The following CCDC60 variants were observed in gnomAD, a reference collection of about 807,000 sequenced individuals.
CCDC60 encodes coiled-coil domain-containing protein 60.
CCDC60 carries 54 observed loss-of-function variants against 63.5 expected under a neutral mutation model. The ratio of observed to expected loss-of-function variants is 0.85; its 90% CI spans 0.68 to 1.07. CCDC60 has a LOEUF of 1.07. CCDC60 is among the 50% of genes least tolerant of loss of function. The pLI, the probability that CCDC60 is intolerant of heterozygous loss-of-function variation, is 0.00. For missense variants in CCDC60, 651 were observed against 684.3 expected (o/e 0.95, Z 0.54); for synonymous variants, 206 against 238.8 (o/e 0.86, Z 1.27).
At chr12:119,407,353 G>A (rs947471949) in intron 1 of CCDC60, among the ~76,000 whole-genome samples, 6 of 147,390 alleles carry the variant, frequency 4.1e-5, no homozygotes, top group African/African-American at 1.6e-4. Context: ...CAAAAAAAAA[G>A]AAAAGAAAAG....
intron 2 of CCDC60, among the ~76,000 whole-genome samples, chr12:119,440,340 C>A (rs1300759673): frequency 6.6e-6 from 1 of 152,080 alleles, no homozygotes; most frequent in East Asian, 1.9e-4. Flanking sequence ...ACCATCCTGC[C>A]TAACACGGCG....
chr12:119,526,706 A>G (rs951854213), intron 11 of CCDC60, among the ~76,000 whole-genome samples: 1 of 152,242 alleles, frequency 6.6e-6, no homozygotes, highest in Non-Finnish European at 1.5e-5. Flanking sequence ...CAAAACCACA[A>G]TGAGATACCA....
intron 1 of CCDC60, among the ~76,000 whole-genome samples, chr12:119,362,498 T>C (rs571525090): frequency 6.6e-6 from 1 of 152,356 alleles, no homozygotes; most frequent in East Asian, 1.9e-4. Context: ...TTGATCTTCA[T>C]GTAATGAAAT....
At chr12:119,413,416 A>T (rs1956641720) in intron 1 of CCDC60, among the ~76,000 whole-genome samples, 1 of 152,226 alleles carries the variant, frequency 6.6e-6, no homozygotes, top group African/African-American at 2.4e-5. Flanking sequence ...CGGGTCACTG[A>T]CAGTCTTGCT....
At chr12:119,387,032 TCTCACACA>T (rs1376237069) in intron 1 of CCDC60, among the ~76,000 whole-genome samples, 25 of 120,268 alleles carry the variant, frequency 2.1e-4, no homozygotes, top group African/African-American at 7.7e-4. Context: ...CCTCTGTCTC[TCTCACACA>T]CACACACACA....
intron 2 of CCDC60, among the ~76,000 whole-genome samples, chr12:119,450,576 AGGCCGGGCGCAGT>A (rs1950611482): frequency 6.6e-6 from 1 of 152,094 alleles, no homozygotes; most frequent in East Asian, 1.9e-4. Context: ...AAGACATGAG[AGGCCGGGCGCAGT>A]GGCTCACGCC....
At chr12:119,361,228 T>G (rs1392598471) in intron 1 of CCDC60, among the ~76,000 whole-genome samples, 1 of 148,006 alleles carries the variant, frequency 6.8e-6, no homozygotes, top group Non-Finnish European at 1.5e-5. Flanking sequence ...AGAGCTCAAG[T>G]CTATCACAGG....
At chr12:119,388,907 T>C (rs1053349602) in intron 1 of CCDC60, among the ~76,000 whole-genome samples, 5 of 152,250 alleles carry the variant, frequency 3.3e-5, no homozygotes, top group Admixed American at 6.5e-5. Context: ...AATTTCCTAC[T>C]TTTAGAGTAT....
intron 1 of CCDC60, among the ~76,000 whole-genome samples, chr12:119,358,982 G>T (rs1381336366): frequency 6.6e-6 from 1 of 152,144 alleles, no homozygotes; most frequent in Non-Finnish European, 1.5e-5. Flanking sequence ...CAGAGGAAAT[G>T]CATATGTTCA....
At chr12:119,370,410 G>A (rs144893322) in intron 1 of CCDC60, among the ~76,000 whole-genome samples, 234 of 152,270 alleles carry the variant, frequency 1.5e-3, no homozygotes, top group African/African-American at 5.2e-3. Context: ...ATATCATGTC[G>A]AGTTGAGAAA....
In CCDC60 at chr12:119,420,659, C is replaced by A. The variant is rs763192916; in HGVS notation, c.91-8024C>A. ...GAATAAGACCTGCTATTTGATAGCA[C>A]AACAGGTTGACTATAGTCAATAATA... On this transcript the variant is annotated intron_variant, in intron 1 of 13. Transcript: ENST00000327554. The surrounding 1 kb of genome is among the most constrained non-coding windows in gnomAD (Gnocchi z 4.1). Among the ~76,000 whole-genome samples the A allele has an allele frequency of 7.2e-5, 11 of 152,082 alleles. No homozygotes were observed. Among genetic ancestry groups the A allele is most frequent in the Non-Finnish European group, 1.3e-4 (9 of 68,026 alleles).
At chr12:119,507,553 T>TATATATAC (rs1952052031) in intron 7 of CCDC60, among the ~76,000 whole-genome samples, 5 of 48,902 alleles carry the variant, frequency 1.0e-4, no homozygotes, top group African/African-American at 2.0e-4. Context: ...TATATATACA[T>TATATATAC]ATATATATAT....
intron 3 of CCDC60, among the ~76,000 whole-genome samples, chr12:119,477,908 A>G (rs1049972511): frequency 8.5e-5 from 13 of 152,162 alleles, no homozygotes; most frequent in Non-Finnish European, 1.3e-4. Context: ...ACACACGCAC[A>G]CACACACACA....
At chr12:119,434,948 T>C (rs1950298991) in intron 2 of CCDC60, among the ~76,000 whole-genome samples, 1 of 152,186 alleles carries the variant, frequency 6.6e-6, no homozygotes, top group Non-Finnish European at 1.5e-5. Flanking sequence ...TAATCTGATT[T>C]TTTAAAAGAG....
rs1190763875 is a variant in CCDC60 at position 119,505,669 on chromosome 12, A to T, written c.883+366A>T. On this transcript the variant is annotated intron_variant, in intron 7 of 13. Transcript: ENST00000327554. ...TCAGGAGTTTGAGACCAGCCTGGCCAACATGGTGAAACCCTGTCTCTACTG... is the reference window on the plus strand; with the variant it reads ...TCAGGAGTTTGAGACCAGCCTGGCCTACATGGTGAAACCCTGTCTCTACTG... Among the ~76,000 whole-genome samples the T allele has an allele frequency of 5.3e-5, 8 of 152,240 alleles. No homozygotes were observed. In the East Asian group the frequency reaches 1.5e-3, roughly 29 times the overall value.
chr12:119,416,983 T>C (rs936391237), intron 1 of CCDC60, among the ~76,000 whole-genome samples: 1 of 152,122 alleles, frequency 6.6e-6, no homozygotes, highest in African/African-American at 2.4e-5. Context: ...TATTCGGGCA[T>C]GGTGGCACAT....
Position 119,523,624 on chromosome 12 carries a change from G to A in CCDC60, c.1104-69G>A. Reference sequence around the variant, plus strand: ...CACCTTGGGGCTAAGGGGGGCCAGAGTGGGACCCAGGTTACTAGGGGACAT... The same window carrying A: ...CACCTTGGGGCTAAGGGGGGCCAGAATGGGACCCAGGTTACTAGGGGACAT... On this transcript the variant is annotated intron_variant, in intron 10 of 13. Coordinates refer to ENST00000327554, the MANE Select transcript of CCDC60 (RefSeq NM_178499.5). 3 of 1,599,200 alleles carry A rather than the reference G, an allele frequency of 1.9e-6. No individual in the cohort carries two copies. In the South Asian group the frequency reaches 3.4e-5, roughly 18 times the overall value.
At chr12:119,492,535 A>G (rs1032545836) in intron 5 of CCDC60, among the ~76,000 whole-genome samples, 3 of 152,222 alleles carry the variant, frequency 2.0e-5, no homozygotes, top group Admixed American at 6.5e-5. Context: ...TTCAACACTT[A>G]ATCCCTATTT....
At chr12:119,372,457 A>T (rs183054393) in intron 1 of CCDC60, among the ~76,000 whole-genome samples, 1 of 152,316 alleles carries the variant, frequency 6.6e-6, no homozygotes, top group Non-Finnish European at 1.5e-5. Flanking sequence ...GTAACTAGGA[A>T]CCACCCTCCC....
Sources: allele counts gnomAD v4.1 joint callset (sites outside exome capture counted in the v4.1 genomes callset), GRCh38; gene constraint gnomAD v4.1.1; non-coding constraint Gnocchi (gnomAD v3.1); transcripts MANE v1.5; gene names NCBI Gene and HGNC (gene_info 2026-07-23, HGNC 2026-07-21).